The following GAPVD1 variants were observed in gnomAD, a reference collection of about 807,000 sequenced individuals.
GAPVD1 encodes the protein GTPase activating protein and VPS9 domains 1.
GAPVD1 carries 35 observed loss-of-function variants against 155.5 expected under a neutral mutation model. That is an observed-to-expected ratio of 0.23 (90% CI 0.17 to 0.30). The LOEUF (loss-of-function observed/expected upper bound fraction) is 0.30, where lower values mean the gene tolerates loss of function less well. Among genes scored for constraint, GAPVD1 ranks in the 10% least tolerant of loss-of-function variants. The probability of loss-of-function intolerance (pLI) is 1.00; values close to 1 mark genes in which losing one functional copy is unlikely to be tolerated. For missense variants in GAPVD1, 1,429 were observed against 1,775.7 expected, an observed-to-expected ratio of 0.80 and a Z score of 3.51; for synonymous variants, 636 against 619.7, an observed-to-expected ratio of 1.03 and a Z score of -0.39.
At chr9:125,285,450 TTTG>T (rs1837501445) in intron 2 of GAPVD1, among the ~76,000 whole-genome samples, 1 of 127,152 alleles carries the variant, frequency 7.9e-6, no homozygotes, top group Non-Finnish European at 1.6e-5. Flanking sequence ...TTCTTTTTTC[TTTG>T]TTTTTTTTTT....
In GAPVD1 at chr9:125,350,823, G is replaced by C; in HGVS notation, c.3520G>C (p.Asp1174His). The change falls in exon 23 of 28, where the codon GAT becomes CAT. Residue 1174 changes from aspartate to histidine, a missense_variant. Physicochemically the swap from Asp to His is moderately conservative, Grantham distance 81 (BLOSUM62 -1). This residue lies in a region of GAPVD1 where 699 missense variants were observed against 826.0 expected (regional missense o/e 0.85). Transcript: ENST00000297933. ...AACAATGCGCTGTGTGTGCCGTTTT[G>C]ATAATAGGACTTGTAGGAAACTGCT... ...QETMRCVCRF[D>H]NRTCRKLLAS... is the part of the protein sequence containing the mutation. 6.2e-7 allele frequency: 1 copy of C among 1,613,908 alleles called. No homozygotes were observed. Among genetic ancestry groups the C allele is most frequent in the Non-Finnish European group, 8.5e-7 (1 of 1,179,812 alleles).
chr9:125,315,961 A>G (rs1843358098), intron 9 of GAPVD1, among the ~76,000 whole-genome samples: 1 of 152,162 alleles, frequency 6.6e-6, no homozygotes, highest in Admixed American at 6.6e-5. Flanking sequence ...AGTTCCCCAA[A>G]ACAGAGCCAA....
chr9:125,263,702 TA>T, intron 1 of GAPVD1: 2 of 206,902 alleles, frequency 9.7e-6, no homozygotes, highest in Non-Finnish European at 1.6e-5. Flanking sequence ...CATCTGTAGG[TA>T]TGTCTGTCAG....
At chr9:125,327,109 T>C (rs1394512695) in intron 12 of GAPVD1, among the ~76,000 whole-genome samples, 3 of 152,168 alleles carry the variant, frequency 2.0e-5, no homozygotes, top group Admixed American at 2.0e-4. Context: ...TCTTACATTT[T>C]TATTTATTTT....
intron 23 of GAPVD1, among the ~76,000 whole-genome samples, chr9:125,353,962 A>C (rs113081551): frequency 5.5e-4 from 84 of 152,374 alleles, no homozygotes; most frequent in African/African-American, 2.0e-3. Flanking sequence ...CTTTGCACAA[A>C]AGCAGGTAAA....
At chr9:125,331,458 C>T (rs1327328217) in intron 13 of GAPVD1, among the ~76,000 whole-genome samples, 1 of 152,188 alleles carries the variant, frequency 6.6e-6, no homozygotes, top group African/African-American at 2.4e-5. Flanking sequence ...GCCTCGACCT[C>T]CCAAAGTGCT....
intron 4 of GAPVD1, among the ~76,000 whole-genome samples, chr9:125,299,889 T>G (rs1588756792): frequency 7.7e-6 from 1 of 129,788 alleles, no homozygotes; most frequent in Non-Finnish European, 1.6e-5. Context: ...CATGGTGGCA[T>G]ACGCCTGTAA....
intron 20 of GAPVD1, among the ~76,000 whole-genome samples, chr9:125,348,679 T>G (rs1254595195): frequency 2.0e-5 from 3 of 152,050 alleles, no homozygotes; most frequent in Non-Finnish European, 4.4e-5. Flanking sequence ...ACGTGGCTGA[T>G]TTTTGTATTT....
At chr9:125,286,761 A>C (rs2132341971) in intron 2 of GAPVD1, among the ~76,000 whole-genome samples, 1 of 152,148 alleles carries the variant, frequency 6.6e-6, no homozygotes, top group South Asian at 2.1e-4. Flanking sequence ...TTAAAGATGA[A>C]AGTACAAAAA....
At chr9:125,349,314 G>T (rs1848972906) in intron 20 of GAPVD1, 76 bp from the exon 21 acceptor site, 4 of 1,234,900 alleles carry the variant, frequency 3.2e-6, no homozygotes, top group South Asian at 1.4e-5. Context: ...TTCTTGAGTT[G>T]CTCTGAATAC....
intron 6 of GAPVD1, among the ~76,000 whole-genome samples, chr9:125,305,565 T>G (rs1409992923): frequency 6.6e-6 from 1 of 152,134 alleles, no homozygotes; most frequent in Non-Finnish European, 1.5e-5. Context: ...GAGACGGGGT[T>G]TCACCTTCTT....
intron 4 of GAPVD1, among the ~76,000 whole-genome samples, chr9:125,300,167 C>G (rs147722478): frequency 3.7e-5 from 5 of 134,608 alleles, no homozygotes; most frequent in Admixed American, 3.1e-4. Flanking sequence ...TTAATACCTA[C>G]GAAGAACATT....
intron 20 of GAPVD1, among the ~76,000 whole-genome samples, chr9:125,347,531 G>A (rs1848659809): frequency 6.6e-6 from 1 of 152,122 alleles, no homozygotes; most frequent in South Asian, 2.1e-4. Flanking sequence ...TTTGAGACCA[G>A]CCTGGCCAAT....
In GAPVD1 at chr9:125,299,095, TATC is replaced by T; in HGVS notation, c.177_179del (p.Ile60del). On this transcript the variant is annotated inframe_deletion, in exon 4 of 28. Coordinates refer to ENST00000297933, the MANE Select transcript of GAPVD1 (RefSeq NM_001282680.3). Reference sequence around the variant, plus strand: ...AACAGAGAATCAATTTGGATCGGCTTATCATAACCAGGTAAAGAGATGATTTTC... The same window carrying T: ...AACAGAGAATCAATTTGGATCGGCTTATAACCAGGTAAAGAGATGATTTTC... 6.3e-7 allele frequency: 1 copy of T among 1,583,310 alleles called. No homozygotes were observed. The highest frequency in any genetic ancestry group is 8.6e-7 in the Non-Finnish European group (1 of 1,163,690).
chr9:125,264,641 C>T (rs148197196), intron 1 of GAPVD1, among the ~76,000 whole-genome samples: 11 of 152,114 alleles, frequency 7.2e-5, no homozygotes, highest in African/African-American at 2.7e-4. Flanking sequence ...CAAGGGATTG[C>T]AGCTCTGTAA....
Position 125,307,742 on chromosome 9 carries a change from A to G in GAPVD1, c.1303A>G (p.Met435Val). 1 of 1,614,098 alleles carries G rather than the reference A, an allele frequency of 6.2e-7. No individual in the cohort carries two copies. Among genetic ancestry groups the G allele is most frequent in the Non-Finnish European group, 8.5e-7 (1 of 1,179,952 alleles). ...TGGAGATCAACTGAGAGAAGATAGA[A>G]TGGCTCTTGACAATTTATTGGCAAA... is the stretch of plus-strand genomic sequence containing the variant. ...MSGDQLREDRMALDNLLANLP... is the reference protein window; with the variant it reads ...MSGDQLREDRVALDNLLANLP... Residue 435 changes from methionine to valine, a missense_variant, in exon 8 of 28, where the codon ATG becomes GTG. By Grantham distance (21) the Met-to-Val change is conservative (BLOSUM62 1). Transcript: ENST00000297933.
At chr9:125,308,614 ATCTG>A (rs1842216753) in intron 8 of GAPVD1, 2 of 152,258 alleles carry the variant, frequency 1.3e-5, no homozygotes, top group South Asian at 4.1e-4. Context: ...TTTGCTATCT[ATCTG>A]TCTATAAAAA....
At chr9:125,293,678 T>A (rs13292196) in intron 2 of GAPVD1, among the ~76,000 whole-genome samples, 18 of 129,068 alleles carry the variant, frequency 1.4e-4, no homozygotes, top group Admixed American at 2.8e-4. Flanking sequence ...AATATAAAAA[T>A]ATATATATTA....
chr9:125,351,047 G>A (rs1849225854), intron 23 of GAPVD1, among the ~76,000 whole-genome samples, 175 bp downstream of exon 23: 1 of 152,120 alleles, frequency 6.6e-6, no homozygotes, highest in African/African-American at 2.4e-5. Context: ...ATATACCCGA[G>A]ACTAGCCAAT....
Sources: allele counts gnomAD v4.1 joint callset (sites outside exome capture counted in the v4.1 genomes callset), GRCh38; gene constraint gnomAD v4.1.1; regional missense constraint gnomAD v4.1.1; transcripts MANE v1.5; gene names NCBI Gene and HGNC (gene_info 2026-07-23, HGNC 2026-07-21).